Variants in LRRC28 observed in about 807,000 individuals in gnomAD.
LRRC28 encodes the protein leucine-rich repeat-containing protein 28.
A neutral mutation model predicts 45.7 loss-of-function variants in LRRC28; 39 were observed. The observed-to-expected ratio is 0.85, with a 90% CI of 0.66 to 1.12. The LOEUF is 1.12. LRRC28 is among the 50% of genes most tolerant of loss of function. The pLI, the probability that LRRC28 is intolerant of heterozygous loss-of-function variation, is 0.00. For missense variants in LRRC28, 435 were observed against 438.5 expected (o/e 0.99, Z 0.07); for synonymous variants, 206 against 178.8 (o/e 1.15, Z -1.22).
intron 5 of LRRC28, among the ~76,000 whole-genome samples, chr15:99,289,934 C>T (rs1300888390): frequency 7.3e-5 from 5 of 68,658 alleles, no homozygotes; most frequent in Admixed American, 2.1e-4. Context: ...AGCAAGACTC[C>T]GTCTCAAAAA....
intron 5 of LRRC28, among the ~76,000 whole-genome samples, chr15:99,307,270 G>A (rs1386742273): frequency 6.6e-6 from 1 of 152,168 alleles, no homozygotes; most frequent in Non-Finnish European, 1.5e-5. Flanking sequence ...AGGCAGCACT[G>A]GCTACAGTGC....
Position 99,281,477 on chromosome 15 carries a change from T to G in LRRC28, c.209+4861T>G, listed in dbSNP as rs148284030. On this transcript the variant is annotated intron_variant, in intron 3 of 9. Coordinates refer to ENST00000301981, the MANE Select transcript of LRRC28 (RefSeq NM_144598.5). ...ATTTTTCTTTATCTTACAGTTCTTA[T>G]AATGTTCATATTTTCATTTAAATAG... Among the ~76,000 whole-genome samples, 884 of 151,276 alleles carry G rather than the reference T, an allele frequency of 5.8e-3. 3 individuals are homozygous for G. The highest frequency in any genetic ancestry group is 8.6e-3 in the Non-Finnish European group (584 of 68,008).
chr15:99,366,883 TA>T (rs113516264), intron 9 of LRRC28, among the ~76,000 whole-genome samples: 6 of 151,326 alleles, frequency 4.0e-5, no homozygotes, highest in South Asian at 4.2e-4. Context: ...CCCACTGAGA[TA>T]AAAAAAAATG....
intron 9 of LRRC28, among the ~76,000 whole-genome samples, chr15:99,371,972 C>T (rs1957495625): frequency 6.6e-6 from 1 of 152,202 alleles, no homozygotes; most frequent in African/African-American, 2.4e-5. Flanking sequence ...TTTCTGCACA[C>T]AGAATCTTCC....
At chr15:99,285,002 TTGGC>T in intron 3 of LRRC28, 4 of 641,748 alleles carry the variant, frequency 6.2e-6, no homozygotes, top group Non-Finnish European at 5.9e-6. Context: ...TTCAGCCTCT[TTGGC>T]TGGATGAAGC....
intron 2 of LRRC28, chr15:99,257,781 A>G: frequency 1.3e-6 from 1 of 778,946 alleles, no homozygotes; most frequent in South Asian, 1.3e-5. Flanking sequence ...AGTAGTACAG[A>G]GAGAGGAAGA....
At chr15:99,351,330 C>T (rs1413399213) in intron 6 of LRRC28, among the ~76,000 whole-genome samples, 1 of 152,172 alleles carries the variant, frequency 6.6e-6, no homozygotes, top group African/African-American at 2.4e-5. Flanking sequence ...TACTTTCAGC[C>T]TTATTTCCTC....
At chr15:99,321,333 T>C (rs986059820) in intron 5 of LRRC28, among the ~76,000 whole-genome samples, 1 of 152,208 alleles carries the variant, frequency 6.6e-6, no homozygotes, top group African/African-American at 2.4e-5. Context: ...TATTGTATAG[T>C]CTAAGTTATG....
chr15:99,386,063 C>A lies in LRRC28; in HGVS notation c.1065C>A (p.Cys355Ter). The A allele has an allele frequency of 6.2e-7, 1 of 1,614,190 alleles. No individual in the cohort carries two copies. The highest frequency in any genetic ancestry group is 8.5e-7 in the Non-Finnish European group (1 of 1,180,028). The change falls in exon 10 of 10, where the codon TGC becomes TGA. Residue 355 changes from cysteine (C) to a stop codon, truncating the protein, a stop_gained. Transcript: ENST00000301981. LOFTEE classifies it high-confidence loss of function. Reference sequence around the variant, plus strand: ...CTGTTAGTTTTGTGGCTTACTGCTGCTCCACCCAGTGTCTGCAGACTTTTG... The same window carrying A: ...CTGTTAGTTTTGTGGCTTACTGCTGATCCACCCAGTGTCTGCAGACTTTTG... ...KTTVSFVAYC[C>*]STQCLQTFDL...
At chr15:99,284,442 A>G (rs1323850745) in intron 3 of LRRC28, among the ~76,000 whole-genome samples, 5 of 152,226 alleles carry the variant, frequency 3.3e-5, no homozygotes, top group Admixed American at 2.6e-4. Context: ...ATTCACAAAT[A>G]CAGTCCTCGA....
At chr15:99,335,691 C>A (rs746255277) in intron 6 of LRRC28, among the ~76,000 whole-genome samples, 2 of 151,970 alleles carry the variant, frequency 1.3e-5, no homozygotes, top group Admixed American at 1.3e-4. Flanking sequence ...TTACCCCCCT[C>A]ACATTCACCC....
intron 5 of LRRC28, among the ~76,000 whole-genome samples, chr15:99,322,433 A>G (rs955138542): frequency 1.3e-5 from 2 of 152,072 alleles, no homozygotes; most frequent in African/African-American, 4.8e-5. Flanking sequence ...CGGAGAGGCT[A>G]ACAGATTCAG....
In LRRC28 at chr15:99,352,442, T is replaced by C; in HGVS notation, c.666T>C (p.Tyr222=). The C allele has an allele frequency of 6.2e-7, 1 of 1,614,040 alleles. No homozygotes were observed. The highest frequency in any genetic ancestry group is 8.5e-7 in the Non-Finnish European group (1 of 1,179,970). ...TTCACCTGAAAGGCTTGCCATCTTATCTGTACAATAAAGTCATCGGGTGCA... is the reference window on the plus strand; with the variant it reads ...TTCACCTGAAAGGCTTGCCATCTTACCTGTACAATAAAGTCATCGGGTGCA... ...NNIHLKGLPS[Y]LYNKVIGCSG... Residue 222 remains tyrosine, a synonymous_variant, in exon 7 of 10, where the codon TAT becomes TAC. Transcript: ENST00000301981.
intron 5 of LRRC28, among the ~76,000 whole-genome samples, chr15:99,314,610 T>C (rs563942762): frequency 6.6e-4 from 101 of 152,200 alleles, no homozygotes; most frequent in Non-Finnish European, 1.1e-3. Context: ...TCACAGTTAC[T>C]GACAAAAACA....
intron 5 of LRRC28, among the ~76,000 whole-genome samples, chr15:99,323,708 T>A (rs1283563262): frequency 6.6e-6 from 1 of 152,180 alleles, no homozygotes; most frequent in Non-Finnish European, 1.5e-5. Flanking sequence ...TTATATTGAG[T>A]TTACATTTGG....
chr15:99,300,817 C>A lies in LRRC28; in HGVS notation c.385+12866C>A, dbSNP rs142471324. On this transcript the variant is annotated intron_variant, in intron 5 of 9. Coordinates refer to ENST00000301981, the MANE Select transcript of LRRC28 (RefSeq NM_144598.5). ...CTCCAGCCTGGGTGACAGAGTGAGA[C>A]CCTGTCTAAGAAAATAAAATAAAAT... Among the ~76,000 whole-genome samples the A allele has an allele frequency of 7.8e-4, 119 of 152,202 alleles. 1 individual carries two copies. The highest frequency in any genetic ancestry group is 1.3e-3 in the Non-Finnish European group (89 of 68,018).
At chr15:99,265,976 T>C (rs958268166) in intron 2 of LRRC28, among the ~76,000 whole-genome samples, 1 of 152,198 alleles carries the variant, frequency 6.6e-6, no homozygotes, top group Non-Finnish European at 1.5e-5. Flanking sequence ...ACTTGCTAAT[T>C]TTATTTTATA....
chr15:99,369,650 A>C (rs146333337), intron 9 of LRRC28, among the ~76,000 whole-genome samples: 1 of 152,308 alleles, frequency 6.6e-6, no homozygotes, highest in Non-Finnish European at 1.5e-5. Context: ...CTCAACTCAG[A>C]GTGTACTGAT....
chr15:99,282,533 A>G (rs960959141), intron 3 of LRRC28, among the ~76,000 whole-genome samples: 30 of 152,154 alleles, frequency 2.0e-4, no homozygotes, highest in African/African-American at 5.8e-4. Context: ...TACCTTTTCT[A>G]TGTTTACATA....
Sources: gnomAD v4.1 joint callset for allele counts (sites outside exome capture counted in the v4.1 genomes callset) on GRCh38, gnomAD v4.1.1 for gene constraint, MANE v1.5 for transcripts, NCBI Gene and HGNC (gene_info 2026-07-23, HGNC 2026-07-21) for gene names.